The following AK9 variants were observed in gnomAD, a reference collection of about 807,000 sequenced individuals.
The protein encoded by AK9 is adenylate kinase domain containing 1.
AK9 carries 191 observed loss-of-function variants against 239.6 expected under a neutral mutation model. The observed-to-expected ratio is 0.80, with a 90% CI of 0.71 to 0.90. The LOEUF is 0.90. Among genes scored for constraint, AK9 ranks in the 40% least tolerant of loss-of-function variants. The pLI is 0.00. For synonymous variants in AK9, 689 were observed against 721.0 expected (o/e 0.96, Z 0.71); for missense variants, 1,995 against 2,214.7 (o/e 0.90, Z 1.99).
At position 109,514,388 on chromosome 6, in the gene AK9, A is replaced by G; in HGVS notation, c.4115T>C (p.Ile1372Thr). The G allele has an allele frequency of 6.4e-7, 1 of 1,550,490 alleles. No homozygotes were observed. Among genetic ancestry groups the G allele is most frequent in the Non-Finnish European group, 8.7e-7 (1 of 1,146,780 alleles). ...IKPVENAENP[I>T]YPVIHRQYIY... ...ATACTGACGATGGATTACAGGATAA[A>G]TTGGATTCTCTGCATTTTCAACTGG... Residue 1372 changes from isoleucine (I) to threonine (T), a missense_variant, in exon 32 of 41, where the codon ATT becomes ACT. This residue lies in a region of AK9 where 1,290 missense variants were observed against 1,392.7 expected (regional missense o/e 0.93). Coordinates refer to ENST00000424296, the MANE Select transcript of AK9 (RefSeq NM_001145128.3).
At chr6:109,690,201 T>C (rs1583603997) in intron 1 of AK9, among the ~76,000 whole-genome samples, 1 of 152,222 alleles carries the variant, frequency 6.6e-6, no homozygotes, top group South Asian at 2.1e-4. Flanking sequence ...AGAGGTTTCC[T>C]GGGAAACCTA....
At chr6:109,626,342 C>G (rs867388503) in intron 12 of AK9, among the ~76,000 whole-genome samples, 1 of 152,074 alleles carries the variant, frequency 6.6e-6, no homozygotes, top group African/African-American at 2.4e-5. Context: ...ATATGGGTAA[C>G]GTTTTCCTGT....
intron 6 of AK9, among the ~76,000 whole-genome samples, chr6:109,662,120 C>A (rs1407418288): frequency 2.0e-5 from 3 of 152,130 alleles, no homozygotes; most frequent in Non-Finnish European, 4.4e-5. Flanking sequence ...TCAAGTAAGA[C>A]AGAGTCTAGG....
chr6:109,515,720 T>C, intron 31 of AK9, 137 bp downstream of exon 31: 1 of 789,884 alleles, frequency 1.3e-6, no homozygotes, highest in East Asian at 2.7e-5. Context: ...AATCCCAAAG[T>C]ATTTTTATAG....
intron 21 of AK9, among the ~76,000 whole-genome samples, chr6:109,565,840 C>T (rs1786414731): frequency 6.6e-6 from 1 of 152,100 alleles, no homozygotes; most frequent in African/African-American, 2.4e-5. Context: ...AAACTGTCTT[C>T]TGAGTTAGCT....
chr6:109,645,054 T>C (rs1478988072), intron 8 of AK9, among the ~76,000 whole-genome samples: 2 of 152,226 alleles, frequency 1.3e-5, no homozygotes, highest in Non-Finnish European at 2.9e-5. Flanking sequence ...ACATAGATAC[T>C]AGCATCATTT....
At chr6:109,655,321 G>A (rs1799537259) in intron 8 of AK9, among the ~76,000 whole-genome samples, 1 of 151,954 alleles carries the variant, frequency 6.6e-6, no homozygotes, top group Non-Finnish European at 1.5e-5. Context: ...TTTTCTACAG[G>A]CTTATCATTC....
chr6:109,495,190 TATAAACAAAATAG>T, intron 39 of AK9, 135 bp downstream of exon 39: 2 of 587,758 alleles, frequency 3.4e-6, no homozygotes, highest in East Asian at 3.7e-5. Context: ...AACCACTACA[TATAAACAAAATAG>T]GCTGAGAGAA....
At chr6:109,650,446 A>G (rs913869360) in intron 8 of AK9, among the ~76,000 whole-genome samples, 38 of 152,150 alleles carry the variant, frequency 2.5e-4, no homozygotes, top group Non-Finnish European at 5.1e-4. Flanking sequence ...TTCTCAAAAG[A>G]AGACATTTCT....
At chr6:109,510,766 G>T (rs1205400865) in intron 32 of AK9, among the ~76,000 whole-genome samples, 1 of 152,190 alleles carries the variant, frequency 6.6e-6, no homozygotes, top group Non-Finnish European at 1.5e-5. Context: ...AAGTGCTGCA[G>T]CCACAGAGGT....
intron 17 of AK9, among the ~76,000 whole-genome samples, chr6:109,586,378 T>C (rs565042588): frequency 4.6e-5 from 7 of 152,294 alleles, no homozygotes; most frequent in African/African-American, 1.4e-4. Flanking sequence ...ATTGTGCCAC[T>C]GCACCAGTGT....
chr6:109,599,142 C>T (rs926372044), intron 17 of AK9, among the ~76,000 whole-genome samples: 1 of 152,160 alleles, frequency 6.6e-6, no homozygotes, highest in Non-Finnish European at 1.5e-5. Flanking sequence ...GACATGAAGT[C>T]CTTGCCTATT....
intron 10 of AK9, among the ~76,000 whole-genome samples, chr6:109,636,928 A>C (rs2128280344): frequency 6.6e-6 from 1 of 152,228 alleles, no homozygotes; most frequent in African/African-American, 2.4e-5. Flanking sequence ...CTAGAAGTGT[A>C]ATTGCTGGAT....
At chr6:109,645,683 C>A (rs1797967884) in intron 8 of AK9, among the ~76,000 whole-genome samples, 1 of 152,232 alleles carries the variant, frequency 6.6e-6, no homozygotes, top group Admixed American at 6.5e-5. Context: ...ACGTCCCTGT[C>A]TGACAGCTTT....
Position 109,641,593 on chromosome 6 carries a change from A to T in AK9, c.858T>A (p.Tyr286Ter), listed in dbSNP as rs1301879477. The change falls in exon 10 of 41, where the codon TAT (tyrosine) becomes TAA (stop). Residue 286 changes from tyrosine to a stop codon, truncating the protein, a stop_gained. Transcript: ENST00000424296. LOFTEE classifies it high-confidence loss of function. ...GAATAGCTGCTCTTTTTAGGTTCAG[A>T]TATTTAAGTCGATCCATAACAATCT... ...LFMIVMDRLK[Y>*]LNLKRAAILT... 1 of 1,613,282 alleles carries T rather than the reference A, an allele frequency of 6.2e-7. No homozygotes were observed. Among genetic ancestry groups the T allele is most frequent in the South Asian group, 1.1e-5 (1 of 91,056 alleles).
chr6:109,672,466 T>C (rs540021366), intron 3 of AK9, among the ~76,000 whole-genome samples: 3 of 152,204 alleles, frequency 2.0e-5, no homozygotes, highest in South Asian at 2.1e-4. Context: ...GAGGATTGCT[T>C]GAGCCCAGAA....
At chr6:109,499,668 G>A (rs569802205) in intron 35 of AK9, among the ~76,000 whole-genome samples, 9 of 151,900 alleles carry the variant, frequency 5.9e-5, no homozygotes, top group East Asian at 1.9e-4. Flanking sequence ...GGCGTAGCTC[G>A]ATCTCAGTTC....
chr6:109,637,066 C>A (rs1230453740), intron 10 of AK9, among the ~76,000 whole-genome samples: 1 of 152,162 alleles, frequency 6.6e-6, no homozygotes, highest in Non-Finnish European at 1.5e-5. Flanking sequence ...TTTGTTATTT[C>A]TCATTTTTTG....
At position 109,578,978 on chromosome 6, in the gene AK9, G is replaced by A. The variant is rs113638350; in HGVS notation, c.2191+572C>T. Among the ~76,000 whole-genome samples the A allele has an allele frequency of 7.9e-3, 1,209 of 152,232 alleles. 26 individuals are homozygous for A. The highest frequency in any genetic ancestry group is 0.026 in the African/African-American group (1,070 of 41,542). ...ATCTATCTTGGAGGATATTCCATGTGCTGATGAATAGAATGTATATTCTGC... is the reference window on the plus strand; with the variant it reads ...ATCTATCTTGGAGGATATTCCATGTACTGATGAATAGAATGTATATTCTGC... On this transcript the variant is annotated intron_variant, in intron 20 of 40. Coordinates refer to ENST00000424296, the MANE Select transcript of AK9 (RefSeq NM_001145128.3).
Sources: allele counts gnomAD v4.1 joint callset (sites outside exome capture counted in the v4.1 genomes callset), GRCh38; gene constraint gnomAD v4.1.1; regional missense constraint gnomAD v4.1.1; transcripts MANE v1.5; gene names NCBI Gene and HGNC (gene_info 2026-07-23, HGNC 2026-07-21).